The following DPP10 variants were observed in gnomAD, a reference collection of about 807,000 sequenced individuals.
DPP10 encodes dipeptidyl peptidase like 10, also known as inactive dipeptidyl peptidase 10.
In DPP10, 33 loss-of-function variants were observed where a neutral mutation model predicts 120.9. The ratio of observed to expected loss-of-function variants is 0.27; its 90% confidence interval spans 0.21 to 0.37. The LOEUF (loss-of-function observed/expected upper bound fraction) is 0.37, where lower values mean the gene tolerates loss of function less well. DPP10 is among the 10% of genes least tolerant of loss of function. DPP10 has a pLI of 1.00. For missense variants in DPP10, 816 were observed against 942.8 expected (o/e 0.87, Z 1.76); for synonymous variants, 337 against 326.1 (o/e 1.03, Z -0.36).
chr2:115,007,698 C>G (rs1227729019), intron 1 of DPP10, among the ~76,000 whole-genome samples: 1 of 151,840 alleles, frequency 6.6e-6, no homozygotes, highest in East Asian at 1.9e-4. Flanking sequence ...AGCCCGAAAT[C>G]TCCTTAAGCT....
intron 1 of DPP10, among the ~76,000 whole-genome samples, chr2:115,125,899 CAT>C (rs2050058445): frequency 6.6e-6 from 1 of 152,120 alleles, no homozygotes; most frequent in South Asian, 2.1e-4. Flanking sequence ...CCTTTTTAAA[CAT>C]GTATTTAAAT....
At chr2:114,888,156 A>G (rs541407900) in intron 1 of DPP10, among the ~76,000 whole-genome samples, 118 of 151,850 alleles carry the variant, frequency 7.8e-4, no homozygotes, top group Middle Eastern at 6.8e-3. Context: ...AAAAAAAAAA[A>G]AAAAGAAAAG....
intron 5 of DPP10, among the ~76,000 whole-genome samples, chr2:115,619,447 T>C (rs2084781881): frequency 6.6e-6 from 1 of 152,166 alleles, no homozygotes; most frequent in South Asian, 2.1e-4. Context: ...CTTCCCACTT[T>C]CTATAATAAA....
intron 5 of DPP10, among the ~76,000 whole-genome samples, chr2:115,611,457 C>T (rs980631253): frequency 6.6e-6 from 1 of 152,124 alleles, no homozygotes; most frequent in African/African-American, 2.4e-5. Context: ...TCTTACCCCA[C>T]ACAGCCTTGT....
intron 1 of DPP10, among the ~76,000 whole-genome samples, chr2:114,877,968 C>A (rs1691293012): frequency 6.6e-6 from 1 of 151,936 alleles, no homozygotes. Context: ...AGTCAAAGAT[C>A]TGGAGAAAGA....
At chr2:115,464,284 A>C (rs980336305) in intron 3 of DPP10, among the ~76,000 whole-genome samples, 3 of 152,132 alleles carry the variant, frequency 2.0e-5, no homozygotes, top group African/African-American at 7.2e-5. Flanking sequence ...TAACTCATGA[A>C]TCAATCTGAC....
At chr2:114,529,869 G>T (rs1203758150) in intron 1 of DPP10, among the ~76,000 whole-genome samples, 5 of 152,004 alleles carry the variant, frequency 3.3e-5, no homozygotes, top group Non-Finnish European at 7.4e-5. Flanking sequence ...AGGCCCTGTT[G>T]TGTGTTGTTC....
intron 5 of DPP10, among the ~76,000 whole-genome samples, chr2:115,586,171 C>T (rs1271671120): frequency 3.3e-5 from 5 of 151,970 alleles, no homozygotes; most frequent in Non-Finnish European, 7.4e-5. Context: ...AAAAAAAATA[C>T]AAAAATTAGT....
intron 7 of DPP10, among the ~76,000 whole-genome samples, chr2:115,705,613 A>G (rs2092072186): frequency 6.6e-6 from 1 of 151,980 alleles, no homozygotes; most frequent in Non-Finnish European, 1.5e-5. Flanking sequence ...GGAAACCACT[A>G]GGGAGTGAAG....
intron 3 of DPP10, among the ~76,000 whole-genome samples, chr2:115,481,219 A>G (rs944188490): frequency 1.3e-5 from 2 of 152,122 alleles, no homozygotes; most frequent in African/African-American, 2.4e-5. Flanking sequence ...GCCCCTTTCA[A>G]CATACTACTG....
At chr2:114,876,822 A>G (rs370809161) in intron 1 of DPP10, among the ~76,000 whole-genome samples, 2 of 152,110 alleles carry the variant, frequency 1.3e-5, no homozygotes, top group Admixed American at 6.6e-5. Context: ...ATGATCAGCT[A>G]CATAATTCAC....
At chr2:115,683,570 G>T (rs1298842872) in intron 5 of DPP10, among the ~76,000 whole-genome samples, 1 of 151,860 alleles carries the variant, frequency 6.6e-6, no homozygotes, top group Non-Finnish European at 1.5e-5. Context: ...GATATTGATA[G>T]TGGAGAGGCT....
intron 2 of DPP10, among the ~76,000 whole-genome samples, chr2:115,337,644 CAG>C (rs1475489354): frequency 6.2e-5 from 6 of 96,454 alleles, no homozygotes; most frequent in African/African-American, 2.1e-4. Context: ...TACAATGAGA[CAG>C]GGGGAGGCTG....
intron 1 of DPP10, among the ~76,000 whole-genome samples, chr2:114,796,747 G>C (rs1220807178): frequency 2.6e-5 from 4 of 152,072 alleles, no homozygotes; most frequent in Non-Finnish European, 4.4e-5. Context: ...AACCATAAAT[G>C]GCTGTTTCCT....
At chr2:114,912,640 G>T (rs1469142481) in intron 1 of DPP10, among the ~76,000 whole-genome samples, 1 of 151,962 alleles carries the variant, frequency 6.6e-6, no homozygotes, top group Non-Finnish European at 1.5e-5. Flanking sequence ...TACAGACCTG[G>T]GGCTGAAGCA....
At chr2:115,608,416 A>G (rs540776559) in intron 5 of DPP10, among the ~76,000 whole-genome samples, 3 of 46,058 alleles carry the variant, frequency 6.5e-5, no homozygotes, top group Non-Finnish European at 8.4e-5. Flanking sequence ...AACAATAACA[A>G]CAAAAAACAG....
At chr2:114,493,384 C>A (rs1682174444) in intron 1 of DPP10, among the ~76,000 whole-genome samples, 1 of 152,138 alleles carries the variant, frequency 6.6e-6, no homozygotes, top group South Asian at 2.1e-4. Context: ...AGAAAAATTT[C>A]TTTCAAGAAG....
intron 1 of DPP10, among the ~76,000 whole-genome samples, chr2:114,555,009 A>G (rs1688175462): frequency 6.6e-6 from 1 of 152,220 alleles, no homozygotes; most frequent in Non-Finnish European, 1.5e-5. Context: ...GGACCTGGGC[A>G]TCGAGGTTGG....
At chr2:115,440,486 G>A (rs566077021) in intron 3 of DPP10, among the ~76,000 whole-genome samples, 4 of 152,058 alleles carry the variant, frequency 2.6e-5, no homozygotes, top group African/African-American at 2.4e-5. Flanking sequence ...TTCTTATCTT[G>A]TTGTACCCAA....
Sources: gnomAD v4.1 joint callset for allele counts (sites outside exome capture counted in the v4.1 genomes callset) on GRCh38, gnomAD v4.1.1 for gene constraint, MANE v1.5 for transcripts, NCBI Gene and HGNC (gene_info 2026-07-23, HGNC 2026-07-21) for gene names.